The following COL25A1 variants were observed in gnomAD, a reference collection of about 807,000 sequenced individuals.
COL25A1 encodes the protein collagen type XXV alpha 1 chain, also known as collagen alpha-1(XXV) chain.
Under a neutral mutation model 128.4 loss-of-function variants are expected in COL25A1, and 103 were observed. The ratio of observed to expected loss-of-function variants is 0.80; its 90% CI spans 0.68 to 0.94. The LOEUF is 0.94. Among genes scored for constraint, COL25A1 ranks in the 40% least tolerant of loss-of-function variants. COL25A1 has a pLI of 0.00. For synonymous variants in COL25A1, 279 were observed against 277.2 expected (o/e 1.01, Z -0.06); for missense variants, 745 against 840.0 (o/e 0.89, Z 1.40).
chr4:109,163,941 A>G (rs1220526120), intron 3 of COL25A1, among the ~76,000 whole-genome samples: 2 of 152,232 alleles, frequency 1.3e-5, no homozygotes, highest in Non-Finnish European at 2.9e-5. Context: ...TTGCTTCAAC[A>G]CTTCTGCTAA....
At chr4:109,031,212 C>T (rs1367059783) in intron 5 of COL25A1, among the ~76,000 whole-genome samples, 8 of 152,284 alleles carry the variant, frequency 5.3e-5, no homozygotes, top group East Asian at 1.9e-4. Context: ...CCCGGGTCCA[C>T]GCCATTCTCT....
At chr4:109,215,935 T>C (rs1005320956) in intron 3 of COL25A1, among the ~76,000 whole-genome samples, 2 of 152,096 alleles carry the variant, frequency 1.3e-5, no homozygotes, top group Non-Finnish European at 2.9e-5. Context: ...ACGTTACATG[T>C]GTGAGTCAGC....
At chr4:109,274,069 G>A (rs2126267759) in intron 3 of COL25A1, among the ~76,000 whole-genome samples, 1 of 152,200 alleles carries the variant, frequency 6.6e-6, no homozygotes, top group African/African-American at 2.4e-5. Flanking sequence ...AGAATTCAGA[G>A]CACACACTGT....
chr4:108,880,334 G>A (rs1361455108), intron 19 of COL25A1, among the ~76,000 whole-genome samples: 1 of 152,154 alleles, frequency 6.6e-6, no homozygotes, highest in Non-Finnish European at 1.5e-5. Flanking sequence ...GTGATGTCAT[G>A]TTTGGAGAAA....
intron 19 of COL25A1, among the ~76,000 whole-genome samples, chr4:108,876,314 G>A (rs1247423666): frequency 6.6e-6 from 1 of 151,392 alleles, no homozygotes; most frequent in Admixed American, 6.6e-5. Context: ...GGGAGGGAAG[G>A]AGAGGGAGAG....
chr4:109,174,040 T>C (rs1773837676), intron 3 of COL25A1, among the ~76,000 whole-genome samples: 1 of 152,186 alleles, frequency 6.6e-6, no homozygotes, highest in African/African-American at 2.4e-5. Context: ...TTTTTAATTG[T>C]ATGAGTATTA....
intron 6 of COL25A1, among the ~76,000 whole-genome samples, chr4:108,979,711 A>C (rs1379367132): frequency 6.6e-6 from 1 of 152,212 alleles, no homozygotes; most frequent in Non-Finnish European, 1.5e-5. Context: ...TGATTAATCT[A>C]TTCATTGCTG....
At chr4:108,933,851 G>GACACACACACACACAC (rs3065581) in intron 11 of COL25A1, among the ~76,000 whole-genome samples, 1 of 148,662 alleles carries the variant, frequency 6.7e-6, no homozygotes, top group Non-Finnish European at 1.5e-5. Flanking sequence ...CAAGTTCACA[G>GACACACACACACACAC]ACACACACAC....
intron 24 of COL25A1, 61 bp from the exon 25 acceptor site, chr4:108,852,986 A>G: frequency 6.9e-7 from 1 of 1,442,568 alleles, no homozygotes; most frequent in Non-Finnish European, 9.6e-7. Flanking sequence ...AAGTACAGTA[A>G]TACATTTGTG....
chr4:108,990,230 AAAAAAAAAAATATATATAT>A (rs1364730490), intron 6 of COL25A1, among the ~76,000 whole-genome samples: 42 of 70,296 alleles, frequency 6.0e-4, no homozygotes, highest in East Asian at 5.4e-3. Flanking sequence ...AAAAAAAAAA[AAAAAAAAAAATATATATAT>A]ATATATATAT....
At chr4:109,059,650 C>A (rs12331097) in intron 3 of COL25A1, among the ~76,000 whole-genome samples, 18,839 of 152,054 alleles carry the variant, frequency 0.12, 1,797 homozygotes, top group African/African-American at 0.26. Flanking sequence ...ACTCATGGCT[C>A]GTCTAAGGGG....
rs117519806 is a variant in COL25A1, at chr4:108,854,920, T to C, written c.1321-1995A>G. ...AGTGTTAGAGAACTGTAACAAAATA[T>C]ACCGTGTCTAAGTCTGAATCTCTAA... On this transcript the variant is annotated intron_variant, in intron 24 of 37. Coordinates refer to ENST00000399132, the MANE Select transcript of COL25A1 (RefSeq NM_198721.4). Among the ~76,000 whole-genome samples the C allele has an allele frequency of 2.2e-3, 331 of 152,288 alleles. 13 individuals carry two copies. In the East Asian group the frequency reaches 0.051, roughly 24 times the overall value.
At chr4:109,268,277 A>G (rs1781925820) in intron 3 of COL25A1, among the ~76,000 whole-genome samples, 1 of 152,166 alleles carries the variant, frequency 6.6e-6, no homozygotes, top group African/African-American at 2.4e-5. Context: ...TCTTTTCAGG[A>G]GACTATTAAA....
intron 3 of COL25A1, among the ~76,000 whole-genome samples, chr4:109,148,199 G>C (rs758971006): frequency 7.9e-5 from 12 of 152,290 alleles, no homozygotes; most frequent in Middle Eastern, 3.4e-3. Flanking sequence ...GAAATTTATA[G>C]TCATAGCATC....
chr4:108,824,190 C>G lies in COL25A1; in HGVS notation c.1829G>C (p.Gly610Ala), dbSNP rs767718732. The G allele has an allele frequency of 1.2e-6, 2 of 1,613,900 alleles. No homozygotes were observed. Among genetic ancestry groups the G allele is most frequent in the South Asian group, 1.1e-5 (1 of 91,066 alleles). ...PGPRGEKGDL[G>A]EKGEKGFRGV... ...AGAGGTCACCTTTTCTCCCTTTTCT[C>G]CTAGATCACCCTTCTCACCCCGTGG... The change falls in exon 35 of 38, where the codon GGA (glycine) becomes GCA (alanine). Residue 610 changes from glycine to alanine, a missense_variant. By Grantham distance (60) the Gly-to-Ala change is moderately conservative. Coordinates refer to ENST00000399132, the MANE Select transcript of COL25A1 (RefSeq NM_198721.4).
chr4:109,210,336 T>C (rs904230268), intron 3 of COL25A1, among the ~76,000 whole-genome samples: 1 of 152,228 alleles, frequency 6.6e-6, no homozygotes, highest in Non-Finnish European at 1.5e-5. Flanking sequence ...TGAATGTCTC[T>C]GCTCTTCTAC....
intron 3 of COL25A1, among the ~76,000 whole-genome samples, chr4:109,076,212 A>G (rs1398311531): frequency 3.3e-5 from 5 of 152,118 alleles, no homozygotes; most frequent in Non-Finnish European, 7.4e-5. Flanking sequence ...GACACCAAGG[A>G]ACAACTATAT....
At chr4:108,924,759 G>A (rs1745856643) in intron 11 of COL25A1, among the ~76,000 whole-genome samples, 1 of 151,956 alleles carries the variant, frequency 6.6e-6, no homozygotes, top group Admixed American at 6.6e-5. Context: ...ATGGCTTTTC[G>A]TAGCCTTTTA....
Position 108,812,112 on chromosome 4 carries a change from A to C in COL25A1, c.*1815T>G, listed in dbSNP as rs1324133187. 6.6e-6 allele frequency: 1 copy of C among 152,208 alleles called. No homozygotes were observed. Among genetic ancestry groups the C allele is most frequent in the Non-Finnish European group, 1.5e-5 (1 of 68,026 alleles). 9.4% of individuals were successfully genotyped at this position (152,208 alleles called of 1,614,324 possible). A position where few individuals can be genotyped will look rare whatever the true frequency, so the allele number is the denominator to read the frequency against. ...CAATGTAACACTTCCACTTAGAATA[A>C]GCCATTTCAAAACACGCTACCAACT... On this transcript the variant is annotated 3_prime_UTR_variant, in exon 38 of 38. Coordinates refer to ENST00000399132, the MANE Select transcript of COL25A1 (RefSeq NM_198721.4).
Sources: allele counts gnomAD v4.1 joint callset (sites outside exome capture counted in the v4.1 genomes callset), GRCh38; gene constraint gnomAD v4.1.1; transcripts MANE v1.5; gene names NCBI Gene and HGNC (gene_info 2026-07-23, HGNC 2026-07-21).